CFAP97D2: variants seen among roughly 807,000 people sequenced by gnomAD.
CFAP97D2 encodes uncharacterized protein CFAP97D2.
At chr13:114,181,734 G>T (rs996148586) in intron 1 of CFAP97D2, among the ~76,000 whole-genome samples, 6 of 152,186 alleles carry the variant, frequency 3.9e-5, no homozygotes, top group African/African-American at 1.4e-4. Flanking sequence ...AATAAGAGGA[G>T]ATAAAATAAG....
rs1594521528 is a variant in CFAP97D2, at chr13:114,211,993, G to C, written c.372G>C (p.Gln124His). The change falls in exon 4 of 5, where the codon CAG becomes CAC. Residue 124 changes from glutamine to histidine, a missense_variant. Coordinates refer to ENST00000646158, the Ensembl canonical transcript of CFAP97D2. This position sits in a 1 kb window ranked among gnomAD's most constrained non-coding sequence, Gnocchi z 4.2. ...CATTCTGGAAGGAATCACACACTCA[G>C]AACCATGGTATGGAGCTCAAAGGTG... 1 of 398,824 alleles carries C rather than the reference G, an allele frequency of 2.5e-6. No individual in the cohort carries two copies. The highest frequency in any genetic ancestry group is 6.3e-4 in the Middle Eastern group (1 of 1,588). 24.7% of individuals were successfully genotyped at this position (398,824 alleles called of 1,614,324 possible).
At chr13:114,181,982 A>G (rs1214505307) in intron 1 of CFAP97D2, among the ~76,000 whole-genome samples, 4 of 152,140 alleles carry the variant, frequency 2.6e-5, no homozygotes, top group African/African-American at 4.8e-5. Flanking sequence ...GAGAAAAGAA[A>G]TAAGACACAG....
intron 3 of CFAP97D2, among the ~76,000 whole-genome samples, chr13:114,208,823 A>G (rs575885558): frequency 2.0e-5 from 3 of 151,048 alleles, no homozygotes; most frequent in Admixed American, 1.3e-4. Flanking sequence ...GAACCTTGCT[A>G]TGTGTCCAGT....
exon 4 of CFAP97D2, chr13:114,212,020 T>C (rs2080968490): frequency 2.5e-6 from 1 of 398,676 alleles, no homozygotes; most frequent in Non-Finnish European, 4.4e-6. Context: ...TCAAAGGTGG[T>C]GTGAAGACTG....
chr13:114,212,754 A>C (rs1043701228), intron 4 of CFAP97D2, among the ~76,000 whole-genome samples: 1 of 152,222 alleles, frequency 6.6e-6, no homozygotes, highest in East Asian at 1.9e-4. Context: ...CGGGAGGCTG[A>C]GGCAGGAGAA....
intron 3 of CFAP97D2, among the ~76,000 whole-genome samples, chr13:114,208,093 C>T (rs988592557): frequency 6.6e-5 from 10 of 152,204 alleles, no homozygotes; most frequent in Non-Finnish European, 1.3e-4. Context: ...CTGGGCTTCA[C>T]GACTTCTAGC....
At chr13:114,210,140 G>A (rs962439809) in intron 3 of CFAP97D2, among the ~76,000 whole-genome samples, 4 of 151,986 alleles carry the variant, frequency 2.6e-5, no homozygotes, top group African/African-American at 9.7e-5. Flanking sequence ...ATATTTTTGT[G>A]CACATATATG....
chr13:114,219,965 C>T (rs985657675), intron 4 of CFAP97D2, among the ~76,000 whole-genome samples: 16 of 152,040 alleles, frequency 1.1e-4, no homozygotes, highest in Admixed American at 1.0e-3. Flanking sequence ...AACGTGAATG[C>T]GTCTCTCGGT....
intron 1 of CFAP97D2, among the ~76,000 whole-genome samples, chr13:114,182,582 G>A (rs548734067): frequency 1.5e-3 from 232 of 152,248 alleles, no homozygotes; most frequent in Admixed American, 2.4e-3. Flanking sequence ...ACAATACCCC[G>A]CTTTCAAGGG....
intron 1 of CFAP97D2, among the ~76,000 whole-genome samples, chr13:114,194,296 T>C (rs998004848): frequency 6.6e-6 from 1 of 152,226 alleles, no homozygotes; most frequent in African/African-American, 2.4e-5. Flanking sequence ...CTGTGGTTTA[T>C]CAAGGAAAAA....
intron 3 of CFAP97D2, among the ~76,000 whole-genome samples, chr13:114,205,212 G>C (rs546649813): frequency 6.6e-6 from 1 of 152,208 alleles, no homozygotes; most frequent in African/African-American, 2.4e-5. Flanking sequence ...GAACCCTCCA[G>C]GGCTGGGAGG....
At chr13:114,202,031 C>T (rs1213286089) in intron 3 of CFAP97D2, among the ~76,000 whole-genome samples, 1 of 152,234 alleles carries the variant, frequency 6.6e-6, no homozygotes, top group African/African-American at 2.4e-5. Flanking sequence ...GGTCCCCCTA[C>T]CCACCACCCT....
Position 114,192,908 on chromosome 13 carries a change from C to T in CFAP97D2, c.91-3488C>T, listed in dbSNP as rs143469343. ...GAAAATATTTTGACACAATTCAACACCCATTTATGCCAAAAAACAAGCAAT... is the reference window on the plus strand; with the variant it reads ...GAAAATATTTTGACACAATTCAACATCCATTTATGCCAAAAAACAAGCAAT... On this transcript the variant is annotated intron_variant, in intron 1 of 4. Coordinates refer to ENST00000646158, the Ensembl canonical transcript of CFAP97D2. 3.8e-3 allele frequency among the ~76,000 whole-genome samples: 573 copies of T among 152,218 alleles called. 1 individual carries two copies. The highest frequency in any genetic ancestry group is 0.013 in the African/African-American group (553 of 41,540).
chr13:114,182,363 A>T (rs2080837648), intron 1 of CFAP97D2, among the ~76,000 whole-genome samples: 1 of 152,156 alleles, frequency 6.6e-6, no homozygotes, highest in Non-Finnish European at 1.5e-5. Context: ...GAATTGAACA[A>T]ATGTACAATC....
chr13:114,219,314 G>A (rs914866232), intron 4 of CFAP97D2, among the ~76,000 whole-genome samples: 1 of 152,168 alleles, frequency 6.6e-6, no homozygotes, highest in Non-Finnish European at 1.5e-5. Context: ...ATTGACATAA[G>A]TATATTGTAT....
At chr13:114,212,419 T>C (rs560395382) in intron 4 of CFAP97D2, among the ~76,000 whole-genome samples, 7 of 152,164 alleles carry the variant, frequency 4.6e-5, no homozygotes, top group Admixed American at 6.5e-5. Flanking sequence ...TACAACATCA[T>C]TAACATCAGG....
chr13:114,197,143 T>C (rs78089360), intron 2 of CFAP97D2, among the ~76,000 whole-genome samples: 3,462 of 152,178 alleles, frequency 0.023, 132 homozygotes, highest in African/African-American at 0.079. Flanking sequence ...CTAAGTAAAT[T>C]CTCTCCTGGA....
intron 4 of CFAP97D2, among the ~76,000 whole-genome samples, chr13:114,214,744 AC>A (rs2080986014): frequency 6.6e-6 from 1 of 152,024 alleles, no homozygotes. Context: ...GAGCCACTGC[AC>A]CCGGCCATAT....
rs2080967870 is a variant in CFAP97D2, at chr13:114,211,865, G to A, written c.291-47G>A. The A allele has an allele frequency of 2.5e-6, 1 of 398,504 alleles. No homozygotes were observed. Among genetic ancestry groups the A allele is most frequent in the Non-Finnish European group, 4.4e-6 (1 of 226,110 alleles). 24.7% of individuals were successfully genotyped at this position (398,504 alleles called of 1,614,324 possible). ...TGTTGGCCCTGTGGAGGGAATGGCA[G>A]CCTTAATAAAATCCAAATTTCAAAA... On this transcript the variant is annotated intron_variant, in intron 3 of 4. Coordinates refer to ENST00000646158, the Ensembl canonical transcript of CFAP97D2. The surrounding 1 kb of genome is among the most constrained non-coding windows in gnomAD (Gnocchi z 4.2).
Sources: gnomAD v4.1 joint callset for allele counts (sites outside exome capture counted in the v4.1 genomes callset) on GRCh38, gnomAD v4.1.1 for gene constraint, Gnocchi (gnomAD v3.1) non-coding constraint, MANE v1.5 for transcripts, NCBI Gene and HGNC (gene_info 2026-07-23, HGNC 2026-07-21) for gene names.